The following HS3ST4 variants were observed in gnomAD, a reference collection of about 807,000 sequenced individuals.
HS3ST4 encodes the protein heparan sulfate-glucosamine 3-sulfotransferase 4.
In HS3ST4, 17 loss-of-function variants were observed where a neutral mutation model predicts 29.2. The observed-to-expected ratio is 0.58, with a 90% CI of 0.40 to 0.87. The LOEUF (loss-of-function observed/expected upper bound fraction) is 0.87, where lower values mean the gene tolerates loss of function less well. Among genes scored for constraint, HS3ST4 ranks in the 40% least tolerant of loss-of-function variants. HS3ST4 has a pLI of 0.00. For synonymous variants in HS3ST4, 314 were observed against 285.7 expected (o/e 1.10, Z -1.00); for missense variants, 627 against 634.5 (o/e 0.99, Z 0.13).
intron 1 of HS3ST4, among the ~76,000 whole-genome samples, chr16:25,790,601 T>C (rs8044052): frequency 0.014 from 2,091 of 152,306 alleles, 52 homozygotes; most frequent in African/African-American, 0.048. Flanking sequence ...GGTTGTAGTA[T>C]ATCATGTGGT....
chr16:25,840,232 A>G (rs557119481), intron 1 of HS3ST4, among the ~76,000 whole-genome samples: 42 of 152,330 alleles, frequency 2.8e-4, no homozygotes, highest in African/African-American at 9.6e-4. Flanking sequence ...TTTGACATAA[A>G]TGTCCCAAAA....
At chr16:25,791,310 A>G (rs1966868713) in intron 1 of HS3ST4, among the ~76,000 whole-genome samples, 1 of 152,168 alleles carries the variant, frequency 6.6e-6, no homozygotes. Context: ...ATAACTGGAT[A>G]TCAGCAAGTC....
intron 1 of HS3ST4, among the ~76,000 whole-genome samples, chr16:26,019,149 C>G (rs1396719857): frequency 1.3e-5 from 2 of 152,108 alleles, no homozygotes; most frequent in East Asian, 3.9e-4. Flanking sequence ...CATCTGCTAC[C>G]CCCCGATCCA....
intron 1 of HS3ST4, among the ~76,000 whole-genome samples, chr16:26,124,521 C>T (rs1038676889): frequency 2.0e-5 from 3 of 152,096 alleles, no homozygotes; most frequent in Non-Finnish European, 2.9e-5. Context: ...GGAAAACATA[C>T]GTAGTACAAG....
chr16:25,718,341 T>C (rs1286737234), intron 1 of HS3ST4, among the ~76,000 whole-genome samples: 1 of 152,136 alleles, frequency 6.6e-6, no homozygotes, highest in Non-Finnish European at 1.5e-5. Context: ...AGATTCCTTT[T>C]CATGAATGTT....
In HS3ST4 at chr16:25,692,608, C is replaced by T. The variant is rs1031231405; in HGVS notation, c.191C>T (p.Ala64Val). The T allele has an allele frequency of 5.7e-5, 80 of 1,393,630 alleles. No homozygotes were observed. The highest frequency in any genetic ancestry group is 6.6e-5 in the Non-Finnish European group (70 of 1,063,384). The allele number at this position is 1,393,630 out of a possible 1,614,324, so 86.3% of individuals were successfully genotyped here. ...TCGGGCTCCCTGCAATTCCCTCTGG[C>T]GCTGCAGGAGTCGCCGGGCGCCGCC... ...GGSGSLQFPL[A>V]LQESPGAAAE... Residue 64 changes from alanine (A) to valine (V), a missense_variant, in exon 1 of 2, where the codon GCG becomes GTG. Around this residue, in one of 2 missense-constraint regions of HS3ST4, gnomAD observed 402 missense variants for 340.8 expected, o/e 1.18. Transcript: ENST00000331351.
intron 1 of HS3ST4, among the ~76,000 whole-genome samples, chr16:25,789,066 T>G (rs1369534355): frequency 6.6e-6 from 1 of 152,140 alleles, no homozygotes; most frequent in Non-Finnish European, 1.5e-5. Context: ...CTCTGATTGA[T>G]CAGGCCTGGG....
At chr16:25,696,877 T>C (rs1000446151) in intron 1 of HS3ST4, among the ~76,000 whole-genome samples, 1 of 152,058 alleles carries the variant, frequency 6.6e-6, no homozygotes, top group Non-Finnish European at 1.5e-5. Flanking sequence ...CCTACAATTA[T>C]AGACCTGTTA....
intron 1 of HS3ST4, among the ~76,000 whole-genome samples, chr16:26,054,403 T>C (rs1376271563): frequency 6.6e-6 from 1 of 152,164 alleles, no homozygotes; most frequent in African/African-American, 2.4e-5. Context: ...TCGAATTAAC[T>C]TCCCCTCCCA....
At chr16:25,818,542 CTT>C (rs889739360) in intron 1 of HS3ST4, among the ~76,000 whole-genome samples, 1 of 152,264 alleles carries the variant, frequency 6.6e-6, no homozygotes, top group Non-Finnish European at 1.5e-5. Flanking sequence ...AAAACATCTT[CTT>C]TTTTGGCTTA....
At chr16:26,032,810 ATGG>A in intron 1 of HS3ST4, 1 of 1,557,902 alleles carries the variant, frequency 6.4e-7, no homozygotes, top group Non-Finnish European at 8.8e-7. Flanking sequence ...TCTCTTGGGC[ATGG>A]TGGTGGCGGC....
chr16:25,864,066 C>T (rs1167390742), intron 1 of HS3ST4, among the ~76,000 whole-genome samples: 2 of 152,214 alleles, frequency 1.3e-5, no homozygotes, highest in Admixed American at 6.5e-5. Flanking sequence ...CCTCTTCTCT[C>T]TGTGTGTGTG....
chr16:25,908,994 C>T, intron 1 of HS3ST4, among the ~76,000 whole-genome samples: 1 of 152,194 alleles, frequency 6.6e-6, no homozygotes, highest in East Asian at 1.9e-4. Flanking sequence ...CCTCACATTT[C>T]ACATGAGTCC....
At chr16:25,919,575 AGATAAGGTT>A in intron 1 of HS3ST4, among the ~76,000 whole-genome samples, 1 of 152,188 alleles carries the variant, frequency 6.6e-6, no homozygotes, top group African/African-American at 2.4e-5. Context: ...TCACTTAGGG[AGATAAGGTT>A]GAGTGAGAAA....
rs56226178 is a variant in HS3ST4, at chr16:25,993,949, C to CGTGT, written c.735-141607_735-141604dup. On this transcript the variant is annotated intron_variant, in intron 1 of 1. Coordinates refer to ENST00000331351, the MANE Select transcript of HS3ST4 (RefSeq NM_006040.3). ...CATCTTGCCTATGCTCACATAACCT[C>CGTGT]GTGTGTGTGTGTGTGTGTGTGTGTG... Among the ~76,000 whole-genome samples, 835 of 121,272 alleles carry CGTGT rather than the reference C, an allele frequency of 6.9e-3. 7 individuals carry two copies. Among genetic ancestry groups the CGTGT allele is most frequent in the African/African-American group, 0.013 (381 of 29,956 alleles). 79.6% of individuals were successfully genotyped at this position (121,272 alleles called of 152,430 possible).
intron 1 of HS3ST4, among the ~76,000 whole-genome samples, chr16:25,725,412 A>G (rs11649309): frequency 6.6e-6 from 1 of 151,970 alleles, no homozygotes; most frequent in Non-Finnish European, 1.5e-5. Context: ...CCAAAAGTAC[A>G]TAGAGAAAAA....
At chr16:25,857,232 C>T (rs1480407005) in intron 1 of HS3ST4, among the ~76,000 whole-genome samples, 1 of 152,188 alleles carries the variant, frequency 6.6e-6, no homozygotes, top group African/African-American at 2.4e-5. Flanking sequence ...GGAGCTTCTT[C>T]TCCAGGTGGG....
At chr16:25,749,616 C>T (rs190784660) in intron 1 of HS3ST4, among the ~76,000 whole-genome samples, 1 of 152,246 alleles carries the variant, frequency 6.6e-6, no homozygotes, top group Admixed American at 6.5e-5. Context: ...TGCCTTAGTC[C>T]TTCTATGTGA....
At chr16:26,122,888 TA>T (rs974172936) in intron 1 of HS3ST4, among the ~76,000 whole-genome samples, 3 of 151,982 alleles carry the variant, frequency 2.0e-5, no homozygotes, top group Non-Finnish European at 2.9e-5. Flanking sequence ...ACCTCATCTC[TA>T]CAAAAAATAC....
Sources: allele counts gnomAD v4.1 joint callset (sites outside exome capture counted in the v4.1 genomes callset), GRCh38; gene constraint gnomAD v4.1.1; regional missense constraint gnomAD v4.1.1; transcripts MANE v1.5; gene names NCBI Gene and HGNC (gene_info 2026-07-23, HGNC 2026-07-21).